The following POLN variants were observed in gnomAD, a reference collection of about 807,000 sequenced individuals.
POLN encodes the protein DNA polymerase nu.
A neutral mutation model predicts 113.5 loss-of-function variants in POLN; 108 were observed. That is an observed-to-expected ratio of 0.95 (90% CI 0.81 to 1.12). The LOEUF is 1.12. Among genes scored for constraint, POLN ranks in the 50% most tolerant of loss-of-function variants. The pLI, the probability that POLN is intolerant of heterozygous loss-of-function variation, is 0.00. For missense variants in POLN, 1,097 were observed against 1,077.1 expected (o/e 1.02, Z -0.26); for synonymous variants, 386 against 391.5 (o/e 0.99, Z 0.17).
At chr4:2,145,350 A>C (rs1156601288) in intron 16 of POLN, among the ~76,000 whole-genome samples, 3 of 152,212 alleles carry the variant, frequency 2.0e-5, no homozygotes, top group Non-Finnish European at 4.4e-5. Flanking sequence ...AAAGACATAG[A>C]ATCCAATCTG....
At chr4:2,131,424 T>A (rs1383774623) in intron 16 of POLN, 134 bp from the exon 17 acceptor site, 2 of 563,042 alleles carry the variant, frequency 3.6e-6, no homozygotes, top group Non-Finnish European at 6.1e-6. Flanking sequence ...AGCACATTAA[T>A]ACTTAATACA....
In POLN at chr4:2,241,745, C is replaced by G. The variant is rs1214407253; in HGVS notation, c.-238G>C. On this transcript the variant is annotated 5_prime_UTR_variant, in exon 2 of 26. Transcript: ENST00000511885. ...CGCGATACACCAGACGCGCCAGCGG[C>G]AAAACCTTCCTTCGGAGGGTCACCC... is the stretch of plus-strand genomic sequence containing the variant. 1.0e-6 allele frequency: 1 copy of G among 985,376 alleles called. No individual in the cohort carries two copies. The highest frequency in any genetic ancestry group is 1.1e-4 in the East Asian group (1 of 8,822). The allele number at this position is 985,376 out of a possible 1,614,324, so 61.0% of individuals were successfully genotyped here. A position where few individuals can be genotyped will look rare whatever the true frequency, so the allele number is the denominator to read the frequency against.
In POLN at chr4:2,080,753, G is replaced by A. The variant is rs544208358; in HGVS notation, c.2387+205C>T. On this transcript the variant is annotated intron_variant, in intron 23 of 25. Transcript: ENST00000511885. ...ATTTCTGTCTGGAGAGGCCTCATCT[G>A]CACCCCACGCTGGTGGATGGCTGGT... 74 of 1,445,078 alleles carry A rather than the reference G, an allele frequency of 5.1e-5. No individual in the cohort carries two copies. The African/African-American group carries it at 9.7e-4, about 19-fold the overall frequency. The allele number at this position is 1,445,078 out of a possible 1,614,324, so 89.5% of individuals were successfully genotyped here.
intron 13 of POLN, among the ~76,000 whole-genome samples, chr4:2,161,879 G>A (rs1245444870): frequency 2.0e-5 from 3 of 152,124 alleles, no homozygotes; most frequent in African/African-American, 4.8e-5. Flanking sequence ...ACCAATTGAC[G>A]CTCTGTATCT....
At chr4:2,109,608 T>C (rs1251982583) in intron 19 of POLN, among the ~76,000 whole-genome samples, 2 of 152,220 alleles carry the variant, frequency 1.3e-5, no homozygotes, top group Non-Finnish European at 2.9e-5. Context: ...TCTTGATGAA[T>C]TGGCCCTTTT....
intron 11 of POLN, among the ~76,000 whole-genome samples, chr4:2,173,526 A>G (rs1003200): frequency 0.84 from 127,330 of 151,866 alleles, 54,654 homozygotes; most frequent in Non-Finnish European, 0.94. Flanking sequence ...GCCACTGCTC[A>G]CCCTTCCCAG....
chr4:2,185,206 C>T (rs1733240854), intron 7 of POLN, among the ~76,000 whole-genome samples: 1 of 152,196 alleles, frequency 6.6e-6, no homozygotes, highest in African/African-American at 2.4e-5. Context: ...ACGTATACAA[C>T]ACTTATGTAG....
chr4:2,134,969 G>A (rs1731817356), intron 16 of POLN, among the ~76,000 whole-genome samples: 1 of 152,142 alleles, frequency 6.6e-6, no homozygotes, highest in African/African-American at 2.4e-5. Context: ...CTTGTGCCTT[G>A]TGCACGCATC....
At position 2,118,142 on chromosome 4, in the gene POLN, T is replaced by C. The variant is rs368139221; in HGVS notation, c.1982+9971A>G. ...AGGTACCTTGAGTTTATCAGGAGCA[T>C]AGGGGAGAGCCACAAACTTTTACCC... On this transcript the variant is annotated intron_variant, in intron 19 of 25. Transcript: ENST00000511885. Among the ~76,000 whole-genome samples the C allele has an allele frequency of 3.5e-4, 53 of 152,324 alleles. No individual in the cohort carries two copies. In the East Asian group the frequency reaches 5.4e-3, roughly 16 times the overall value.
At chr4:2,092,657 C>G (rs933035617) in intron 20 of POLN, among the ~76,000 whole-genome samples, 4 of 152,278 alleles carry the variant, frequency 2.6e-5, no homozygotes, top group Non-Finnish European at 4.4e-5. Context: ...TCACAATAGT[C>G]ATGTCACCGA....
intron 16 of POLN, among the ~76,000 whole-genome samples, chr4:2,146,512 A>G (rs144414937): frequency 1.3e-5 from 2 of 152,324 alleles, no homozygotes; most frequent in East Asian, 1.9e-4. Context: ...CTCAACAACA[A>G]CAACAAAAGC....
chr4:2,080,979 G>A lies in POLN; in HGVS notation c.2366C>T (p.Ala789Val), dbSNP rs771112329. The A allele has an allele frequency of 4.3e-6, 7 of 1,613,474 alleles. No homozygotes were observed. The East Asian group carries it at 1.3e-4, about 31-fold the overall frequency. ...TGACCTGGCCGTCAAGGTGTGGGAA[G>A]CAGCCACTGCAGTGAAGACATGGAT... ...AMIHVFTAVAASHTLTARLVA... is the reference protein window; with the variant it reads ...AMIHVFTAVAVSHTLTARLVA... The change falls in exon 23 of 26, where the codon GCT becomes GTT. Residue 789 changes from alanine (A) to valine (V), a missense_variant. By Grantham distance (64) the Ala-to-Val change is moderately conservative. Transcript: ENST00000511885.
At chr4:2,201,373 CAATA>C (rs924793381) in intron 5 of POLN, among the ~76,000 whole-genome samples, 1 of 108,700 alleles carries the variant, frequency 9.2e-6, no homozygotes, top group Non-Finnish European at 1.9e-5. Flanking sequence ...CTTCAGGAAA[CAATA>C]GATGCACTTA....
chr4:2,167,414 G>A (rs1033288484), intron 13 of POLN, among the ~76,000 whole-genome samples: 1 of 152,156 alleles, frequency 6.6e-6, no homozygotes, highest in Non-Finnish European at 1.5e-5. Context: ...TGCCTGCTGA[G>A]GGGAGGGAAT....
intron 24 of POLN, among the ~76,000 whole-genome samples, chr4:2,074,789 G>A (rs576824301): frequency 6.6e-6 from 1 of 152,290 alleles, no homozygotes; most frequent in South Asian, 2.1e-4. Context: ...TGGGGGCACA[G>A]GTCCACGTGG....
At chr4:2,196,427 C>A (rs1296165491) in intron 6 of POLN, among the ~76,000 whole-genome samples, 1 of 152,074 alleles carries the variant, frequency 6.6e-6, no homozygotes, top group Admixed American at 6.5e-5. Context: ...ATGAGGCAAA[C>A]AAATGAATCC....
At chr4:2,197,260 A>G (rs1193111135) in intron 6 of POLN, among the ~76,000 whole-genome samples, 2 of 152,210 alleles carry the variant, frequency 1.3e-5, no homozygotes, top group African/African-American at 2.4e-5. Context: ...CAGGAGTCCA[A>G]TGTGGAAGTT....
Position 2,127,443 on chromosome 4 carries a change from T to C in POLN, c.1982+670A>G, listed in dbSNP as rs1731611280. 6.6e-6 allele frequency among the ~76,000 whole-genome samples: 1 copy of C among 152,088 alleles called. No homozygotes were observed. Among genetic ancestry groups the C allele is most frequent in the South Asian group, 2.1e-4 (1 of 4,818 alleles). Reference sequence around the variant, plus strand: ...CATGACCTGCTCTAGAAAGTGGGTATAGCTGTTGTCTGCACCGGGCTCTCC... The same window carrying C: ...CATGACCTGCTCTAGAAAGTGGGTACAGCTGTTGTCTGCACCGGGCTCTCC... On this transcript the variant is annotated intron_variant, in intron 19 of 25. Transcript: ENST00000511885. This position sits in a 1 kb window ranked among gnomAD's most constrained non-coding sequence, Gnocchi z 4.7.
intron 21 of POLN, 66 bp from the exon 22 acceptor site, chr4:2,081,809 C>T (rs947738806): frequency 5.7e-6 from 8 of 1,400,436 alleles, no homozygotes; most frequent in East Asian, 4.6e-5. Flanking sequence ...GCAGCTCCCT[C>T]GGGCCAGGTC....
Sources: gnomAD v4.1 joint callset for allele counts (sites outside exome capture counted in the v4.1 genomes callset) on GRCh38, gnomAD v4.1.1 for gene constraint, Gnocchi (gnomAD v3.1) non-coding constraint, MANE v1.5 for transcripts, NCBI Gene and HGNC (gene_info 2026-07-23, HGNC 2026-07-21) for gene names.